DPP6: variants seen among roughly 807,000 people sequenced by gnomAD.
The protein encoded by DPP6 is A-type potassium channel modulatory protein DPP6.
In DPP6, 69 loss-of-function variants were observed where a neutral mutation model predicts 122.6. The observed-to-expected ratio is 0.56, with a 90% CI of 0.46 to 0.69. DPP6 has a LOEUF of 0.69. Ranked by LOEUF, DPP6 falls within the 30% of genes least tolerant of loss-of-function variation. The pLI is 0.00. For missense variants in DPP6, 928 were observed against 1,116.9 expected (o/e 0.83, Z 2.41); for synonymous variants, 418 against 433.1 (o/e 0.97, Z 0.43).
At chr7:153,831,978 G>A in the DPP6 span, among the ~76,000 whole-genome samples, 1 of 152,218 alleles carries the variant, frequency 6.6e-6, no homozygotes. Flanking sequence ...TTGCTGTCAT[G>A]AGCGCCTCAT....
chr7:153,811,446 CAG>C, the DPP6 span, among the ~76,000 whole-genome samples: 2 of 152,144 alleles, frequency 1.3e-5, no homozygotes, highest in African/African-American at 4.8e-5. Context: ...GAGGAATGAG[CAG>C]AGAGGGGAGG....
chr7:154,098,105 G>T (rs957057141), intron 1 of DPP6, among the ~76,000 whole-genome samples: 3 of 152,144 alleles, frequency 2.0e-5, no homozygotes, highest in Admixed American at 6.5e-5. Flanking sequence ...CCATAATCCT[G>T]TTGGATTATG....
At chr7:153,972,704 A>G (rs568854414) in intron 1 of DPP6, among the ~76,000 whole-genome samples, 48 of 152,092 alleles carry the variant, frequency 3.2e-4, no homozygotes, top group African/African-American at 1.1e-3. Flanking sequence ...TCCAGGCACT[A>G]ATACTGGGAA....
At chr7:154,707,561 T>C (rs552913556) in intron 7 of DPP6, among the ~76,000 whole-genome samples, 1 of 152,306 alleles carries the variant, frequency 6.6e-6, no homozygotes, top group East Asian at 1.9e-4. Flanking sequence ...GCCAGGTCCA[T>C]CGGACATGCC....
intron 1 of DPP6, among the ~76,000 whole-genome samples, chr7:154,143,940 G>A (rs905630321): frequency 3.3e-5 from 5 of 152,078 alleles, no homozygotes; most frequent in African/African-American, 1.2e-4. Flanking sequence ...TAATAGGTCA[G>A]AAGTATATAT....
intron 16 of DPP6, among the ~76,000 whole-genome samples, chr7:154,848,757 T>A (rs1802143682): frequency 6.6e-6 from 1 of 151,432 alleles, no homozygotes; most frequent in African/African-American, 2.4e-5. Flanking sequence ...ATGGAGCTTT[T>A]TCACTATGTT....
intron 1 of DPP6, among the ~76,000 whole-genome samples, chr7:153,965,066 T>C (rs4726357): frequency 0.79 from 112,740 of 143,582 alleles, 45,360 homozygotes; most frequent in East Asian, 1. Flanking sequence ...TTTGGTTAAT[T>C]GTGACAAACC....
At chr7:154,432,355 A>G (rs1299897332) in intron 1 of DPP6, among the ~76,000 whole-genome samples, 2 of 152,166 alleles carry the variant, frequency 1.3e-5, no homozygotes, top group Admixed American at 1.3e-4. Flanking sequence ...TCACTTATTT[A>G]ATAATAATAG....
In DPP6 at chr7:154,631,719, TTTTG is replaced by T. The variant is rs1376208951; in HGVS notation, c.628-6094_628-6091del. Among the ~76,000 whole-genome samples the T allele has an allele frequency of 9.9e-5, 15 of 152,180 alleles. No homozygotes were observed. In the East Asian group the frequency reaches 2.3e-3, roughly 24 times the overall value. On this transcript the variant is annotated intron_variant, in intron 5 of 25. Transcript: ENST00000377770. Reference sequence around the variant, plus strand: ...TTCCAAGGGAATATGGCCAGAGGTTTTTTGTTTGTTTTGTTTGTTTGTTTGTTTT... The same window carrying T: ...TTCCAAGGGAATATGGCCAGAGGTTTTTTGTTTTGTTTGTTTGTTTGTTTT...
At position 154,872,614 on chromosome 7, in the gene DPP6, T is replaced by C; in HGVS notation, c.1814-10T>C. Reference sequence around the variant, plus strand: ...CCCCCTAACCCGTGCTGTGCTCTGCTTCTCCCCAGACCTGCCCATGCAGAT... The same window carrying C: ...CCCCCTAACCCGTGCTGTGCTCTGCCTCTCCCCAGACCTGCCCATGCAGAT... On this transcript the variant is annotated splice_polypyrimidine_tract_variant and intron_variant, in intron 18 of 25. Transcript: ENST00000377770. 6.3e-7 allele frequency: 1 copy of C among 1,595,218 alleles called. No individual in the cohort carries two copies. Among genetic ancestry groups the C allele is most frequent in the African/African-American group, 1.3e-5 (1 of 74,610 alleles).
intron 2 of DPP6, among the ~76,000 whole-genome samples, chr7:154,449,535 T>C (rs1586305242): frequency 6.6e-6 from 1 of 152,152 alleles, no homozygotes; most frequent in East Asian, 1.9e-4. Flanking sequence ...GTAGTTCTCC[T>C]AAAAGTTAAA....
intron 3 of DPP6, among the ~76,000 whole-genome samples, chr7:154,510,632 G>A (rs1457420737): frequency 6.6e-6 from 1 of 151,612 alleles, no homozygotes; most frequent in Non-Finnish European, 1.5e-5. Context: ...CTGGGAGGTG[G>A]AGGTTACAAT....
intron 5 of DPP6, among the ~76,000 whole-genome samples, chr7:154,610,676 T>C (rs1185155205): frequency 6.6e-6 from 1 of 151,492 alleles, no homozygotes; most frequent in Non-Finnish European, 1.5e-5. Context: ...AATTTATGTT[T>C]TTTTTTTATT....
At chr7:153,962,498 T>C (rs1385813731) in intron 1 of DPP6, among the ~76,000 whole-genome samples, 12 of 152,188 alleles carry the variant, frequency 7.9e-5, no homozygotes, top group Admixed American at 6.5e-4. Context: ...GGTCACTGTG[T>C]GATTTATGTT....
intron 1 of DPP6, among the ~76,000 whole-genome samples, chr7:154,293,637 A>T (rs1203961079): frequency 1.3e-5 from 2 of 152,146 alleles, no homozygotes; most frequent in Non-Finnish European, 2.9e-5. Flanking sequence ...CGACATACAT[A>T]AATGTTTTCT....
intron 5 of DPP6, among the ~76,000 whole-genome samples, chr7:154,621,210 A>G (rs1834626659): frequency 6.6e-6 from 1 of 152,124 alleles, no homozygotes; most frequent in Admixed American, 6.5e-5. Context: ...CAACTACGAC[A>G]TGATTTGGAA....
chr7:154,313,685 G>GTGTGTGTGTGTATATATA lies in DPP6; in HGVS notation c.244-132528_244-132527insGTGTGTGTGTATATATAT. ...AAGCAACAAGATATTTTAAGATATG[G>GTGTGTGTGTGTATATATA]TATATATATATATATATATATATAT... is the stretch of plus-strand genomic sequence containing the variant. On this transcript the variant is annotated intron_variant, in intron 1 of 25. Transcript: ENST00000377770. Among the ~76,000 whole-genome samples, 92 of 20,452 alleles carry GTGTGTGTGTGTATATATA rather than the reference G, an allele frequency of 4.5e-3. 17 individuals are homozygous for GTGTGTGTGTGTATATATA. Among genetic ancestry groups the GTGTGTGTGTGTATATATA allele is most frequent in the East Asian group, 0.013 (4 of 306 alleles). 13.4% of individuals were successfully genotyped at this position (20,452 alleles called of 152,430 possible). A position where few individuals can be genotyped will look rare whatever the true frequency, so the allele number is the denominator to read the frequency against.
intron 1 of DPP6, among the ~76,000 whole-genome samples, chr7:153,957,978 AC>A (rs1795143207): frequency 6.6e-6 from 1 of 152,120 alleles, no homozygotes; most frequent in African/African-American, 2.4e-5. Context: ...AGCCTGGCCA[AC>A]ATAGTAAAAC....
At chr7:154,362,752 G>A (rs1221730493) in intron 1 of DPP6, among the ~76,000 whole-genome samples, 2 of 152,046 alleles carry the variant, frequency 1.3e-5, no homozygotes, top group African/African-American at 2.4e-5. Flanking sequence ...CCTTCTAGAA[G>A]GTACTCCCTG....
Sources: gnomAD v4.1 joint callset for allele counts (sites outside exome capture counted in the v4.1 genomes callset) on GRCh38, gnomAD v4.1.1 for gene constraint, MANE v1.5 for transcripts, NCBI Gene and HGNC (gene_info 2026-07-23, HGNC 2026-07-21) for gene names.